Variants in TENT5D observed in about 807,000 individuals in gnomAD.
The protein encoded by TENT5D is terminal nucleotidyltransferase 5D, also known as cancer/testis antigen 112.
For missense variants in TENT5D, 191 were observed against 287.0 expected (o/e 0.67, Z 2.42); for synonymous variants, 103 against 100.6 (o/e 1.02, Z -0.15).
chrX:80,346,288 G>T (rs752946393), intron 3 of TENT5D, among the ~76,000 whole-genome samples: 1 of 111,955 alleles, frequency 8.9e-6, no homozygotes, highest in South Asian at 3.8e-4. Flanking sequence ...AAGATATTTC[G>T]GTTATTCCCA....
intron 3 of TENT5D, among the ~76,000 whole-genome samples, chrX:80,349,092 GT>G (rs1189638089): frequency 8.9e-6 from 1 of 112,130 alleles, no homozygotes; most frequent in Non-Finnish European, 1.9e-5. Context: ...TCACATCTAT[GT>G]TCATCAACGA....
At chrX:80,409,906 T>C (rs1189258787) in intron 3 of TENT5D, among the ~76,000 whole-genome samples, 1 of 107,047 alleles carries the variant, frequency 9.3e-6, no homozygotes, top group Non-Finnish European at 1.9e-5. Context: ...GAGATATAGA[T>C]CAATGGAACA....
chrX:80,400,313 A>G (rs906432595), intron 3 of TENT5D, among the ~76,000 whole-genome samples: 1 of 111,673 alleles, frequency 9.0e-6, no homozygotes, highest in Non-Finnish European at 1.9e-5. Context: ...TGTGCCTACC[A>G]ACAGTGAGGA....
At chrX:80,440,958 C>A (rs1932271402) in intron 2 of TENT5D, among the ~76,000 whole-genome samples, 2 of 110,852 alleles carry the variant, frequency 1.8e-5, no homozygotes, top group South Asian at 7.4e-4. Flanking sequence ...ATAAGATTAC[C>A]AGTTCTCATT....
rs1009061962 is a variant in TENT5D, at chrX:80,383,700, C to CA, written c.-142+41142dup. Among the ~76,000 whole-genome samples, 15 of 110,842 alleles carry CA rather than the reference C, an allele frequency of 1.4e-4. No individual in the cohort carries two copies. In the East Asian group the frequency reaches 1.4e-3, roughly 11 times the overall value. On this transcript the variant is annotated intron_variant, in intron 3 of 4. Transcript: ENST00000538312. ...TGACACCCGGTCTCTACCAAAAACA[C>CA]AAAAAATTAGCCGGGCATGGTGGTG...
chrX:80,339,895 A>T (rs906191367), intron 2 of TENT5D, among the ~76,000 whole-genome samples: 1 of 108,139 alleles, frequency 9.2e-6, no homozygotes, highest in African/African-American at 3.4e-5. Flanking sequence ...AGAGAGAGAG[A>T]GTTATCAAAA....
chrX:80,337,458 C>T (rs1474268896), intron 2 of TENT5D, among the ~76,000 whole-genome samples: 2 of 111,874 alleles, frequency 1.8e-5, no homozygotes, highest in Non-Finnish European at 3.8e-5. Context: ...CTTTAACCAG[C>T]ATATCCTTTA....
chrX:80,363,310 A>T (rs1930445898), intron 3 of TENT5D, among the ~76,000 whole-genome samples: 2 of 111,741 alleles, frequency 1.8e-5, no homozygotes, highest in South Asian at 3.7e-4. Flanking sequence ...CACATTGAAT[A>T]TAAAAACCAA....
chrX:80,370,440 A>G (rs1930603084), intron 3 of TENT5D, among the ~76,000 whole-genome samples: 1 of 112,203 alleles, frequency 8.9e-6, no homozygotes, highest in East Asian at 2.8e-4. Flanking sequence ...AATCACCACA[A>G]GATATACAAT....
At chrX:80,379,461 A>G (rs894962312) in intron 3 of TENT5D, among the ~76,000 whole-genome samples, 11 of 111,238 alleles carry the variant, frequency 9.9e-5, no homozygotes, top group Non-Finnish European at 1.3e-4. Flanking sequence ...TGCTGGCCTC[A>G]TAAAATGAGT....
chrX:80,407,487 A>T (rs1460132249), intron 3 of TENT5D, among the ~76,000 whole-genome samples: 1 of 108,942 alleles, frequency 9.2e-6, no homozygotes, highest in Non-Finnish European at 1.9e-5. Context: ...ACCAACAAAA[A>T]TCAAAAGAGA....
intron 3 of TENT5D, among the ~76,000 whole-genome samples, chrX:80,377,577 A>C (rs986000039): frequency 8.9e-6 from 1 of 111,857 alleles, no homozygotes; most frequent in Non-Finnish European, 1.9e-5. Flanking sequence ...ATCATTTCTT[A>C]TGGCTGCATA....
At chrX:80,368,441 G>T (rs1179676509) in intron 3 of TENT5D, among the ~76,000 whole-genome samples, 1 of 111,483 alleles carries the variant, frequency 9.0e-6, no homozygotes, top group Non-Finnish European at 1.9e-5. Flanking sequence ...ATACTTTTTG[G>T]GTTATTGTTT....
intron 1 of TENT5D, among the ~76,000 whole-genome samples, chrX:80,425,801 G>A (rs1383577625): frequency 9.0e-6 from 1 of 111,559 alleles, no homozygotes. Flanking sequence ...AGCTGAGGTA[G>A]GCGGATTACA....
chrX:80,341,406 A>G (rs1929953738), intron 2 of TENT5D, among the ~76,000 whole-genome samples: 1 of 112,021 alleles, frequency 8.9e-6, no homozygotes, highest in Admixed American at 9.4e-5. Context: ...TTGATTGCCT[A>G]CTGTGTGCTC....
chrX:80,370,336 G>T (rs998138126), intron 3 of TENT5D, among the ~76,000 whole-genome samples: 5 of 111,311 alleles, frequency 4.5e-5, no homozygotes, highest in Admixed American at 1.9e-4. Context: ...ACCTTGAGTG[G>T]ATCATGAAAT....
At chrX:80,398,363 CTG>C (rs1931327070) in intron 3 of TENT5D, among the ~76,000 whole-genome samples, 1 of 111,999 alleles carries the variant, frequency 8.9e-6, no homozygotes, top group African/African-American at 3.2e-5. Context: ...TGTTTCTACT[CTG>C]TTATATATAA....
intron 1 of TENT5D, among the ~76,000 whole-genome samples, chrX:80,422,399 G>A (rs962658673): frequency 2.7e-5 from 3 of 112,028 alleles, no homozygotes; most frequent in African/African-American, 9.7e-5. Context: ...CTTGAACCTG[G>A]TAGGCAGACA....
At chrX:80,359,484 G>A (rs1360459968) in intron 3 of TENT5D, among the ~76,000 whole-genome samples, 2 of 110,939 alleles carry the variant, frequency 1.8e-5, no homozygotes, top group East Asian at 5.7e-4. Flanking sequence ...AAAAGAATGA[G>A]TTCATCGTGG....
Sources: gnomAD v4.1 joint callset for allele counts (sites outside exome capture counted in the v4.1 genomes callset) on GRCh38, gnomAD v4.1.1 for gene constraint, MANE v1.5 for transcripts, NCBI Gene and HGNC (gene_info 2026-07-23, HGNC 2026-07-21) for gene names.